The following QTMAN variants were observed in gnomAD, a reference collection of about 807,000 sequenced individuals.
QTMAN encodes queuosine-tRNA mannosyltransferase.
chr2:144,037,393 T>G, the QTMAN span, among the ~76,000 whole-genome samples: 1 of 152,144 alleles, frequency 6.6e-6, no homozygotes. Flanking sequence ...AGAACATGGA[T>G]GAACTTCATG....
chr2:144,135,700 G>A, the QTMAN span, among the ~76,000 whole-genome samples: 1 of 152,048 alleles, frequency 6.6e-6, no homozygotes, highest in Non-Finnish European at 1.5e-5. Context: ...TTCTTTACTG[G>A]TCAAAGTCAA....
the QTMAN span, among the ~76,000 whole-genome samples, chr2:144,089,952 G>T: frequency 6.6e-6 from 1 of 151,892 alleles, no homozygotes; most frequent in Non-Finnish European, 1.5e-5. Flanking sequence ...GTATATACAT[G>T]TAACAAAATT....
the QTMAN span, among the ~76,000 whole-genome samples, chr2:144,002,684 T>A: frequency 6.6e-6 from 1 of 151,938 alleles, no homozygotes; most frequent in Non-Finnish European, 1.5e-5. Context: ...AAATCACCAA[T>A]GCATGATGCT....
chr2:144,018,858 AAAGGGAGTTAGTGCCAGGG>A, the QTMAN span, among the ~76,000 whole-genome samples: 44 of 152,276 alleles, frequency 2.9e-4, no homozygotes, highest in African/African-American at 1.1e-3. Flanking sequence ...CCAGCCCTAG[AAAGGGAGTTAGTGCCAGGG>A]AAGGCTCTCT....
the QTMAN span, among the ~76,000 whole-genome samples, chr2:144,113,078 C>G: frequency 6.6e-6 from 1 of 152,290 alleles, no homozygotes; most frequent in East Asian, 1.9e-4. Context: ...AATCACTCAT[C>G]ATACGAAGAA....
the QTMAN span, among the ~76,000 whole-genome samples, chr2:144,101,736 G>C: frequency 4.6e-5 from 7 of 151,586 alleles, no homozygotes; most frequent in Non-Finnish European, 1.5e-5. Flanking sequence ...TTCCCTTTTT[G>C]AATGTAAAAA....
At chr2:143,944,235 G>A in the QTMAN span, 12 of 147,126 alleles carry the variant, frequency 8.2e-5, no homozygotes, top group African/African-American at 1.0e-4. Context: ...ATGAATGTGC[G>A]TGTGCACACA....
the QTMAN span, among the ~76,000 whole-genome samples, chr2:144,207,977 A>T: frequency 3.3e-5 from 5 of 152,068 alleles, no homozygotes; most frequent in Non-Finnish European, 5.9e-5. Context: ...CAGCCTCCTG[A>T]GTAACTGAGA....
the QTMAN span, among the ~76,000 whole-genome samples, chr2:143,980,426 G>T: frequency 6.6e-6 from 1 of 152,050 alleles, no homozygotes; most frequent in Non-Finnish European, 1.5e-5. Flanking sequence ...TAAGTTCCTC[G>T]AGGGCAGAGG....
chr2:144,052,114 T>C, the QTMAN span, among the ~76,000 whole-genome samples: 7 of 151,890 alleles, frequency 4.6e-5, no homozygotes, highest in African/African-American at 1.7e-4. Context: ...CAGCACATTG[T>C]AGGCCCCCAG....
chr2:144,111,370 A>G, the QTMAN span, among the ~76,000 whole-genome samples: 1 of 152,138 alleles, frequency 6.6e-6, no homozygotes, highest in East Asian at 1.9e-4. Context: ...GGCCTTTTCC[A>G]TGGATCTCTG....
chr2:144,109,977 G>C, the QTMAN span, among the ~76,000 whole-genome samples: 7 of 152,344 alleles, frequency 4.6e-5, no homozygotes, highest in African/African-American at 1.7e-4. Flanking sequence ...GTGGAAGACA[G>C]TGTGGCGATT....
At chr2:144,203,158 T>A in the QTMAN span, among the ~76,000 whole-genome samples, 5 of 129,428 alleles carry the variant, frequency 3.9e-5, no homozygotes. Context: ...AGAGTGTGTG[T>A]GTGTGTGTGT....
the QTMAN span, among the ~76,000 whole-genome samples, chr2:144,162,056 G>C: frequency 6.6e-6 from 1 of 152,238 alleles, no homozygotes; most frequent in East Asian, 1.9e-4. Flanking sequence ...AGTGATAAAT[G>C]GTTCAGCTGT....
chr2:144,246,391 G>A, the QTMAN span, among the ~76,000 whole-genome samples: 2 of 150,858 alleles, frequency 1.3e-5, no homozygotes, highest in African/African-American at 4.9e-5. Flanking sequence ...GGCTAACAAG[G>A]TGAAACCCCG....
At chr2:144,303,349 A>C in the QTMAN span, among the ~76,000 whole-genome samples, 1 of 152,304 alleles carries the variant, frequency 6.6e-6, no homozygotes, top group African/African-American at 2.4e-5. Flanking sequence ...TAAATATTAA[A>C]ACCTCCTTTT....
chr2:144,063,293 G>A, the QTMAN span, among the ~76,000 whole-genome samples: 1 of 152,102 alleles, frequency 6.6e-6, no homozygotes, highest in African/African-American at 2.4e-5. Flanking sequence ...TTAAAAATTC[G>A]ATTGATCTGA....
the QTMAN span, among the ~76,000 whole-genome samples, chr2:144,130,469 C>T: frequency 6.6e-6 from 1 of 151,844 alleles, no homozygotes; most frequent in Non-Finnish European, 1.5e-5. Context: ...TATGATACTC[C>T]TAAAAATACT....
chr2:144,231,843 G>GGTAGGT, the QTMAN span, among the ~76,000 whole-genome samples: 1 of 138,340 alleles, frequency 7.2e-6, no homozygotes, highest in African/African-American at 2.7e-5. Flanking sequence ...GAATGAAAGA[G>GGTAGGT]GTGTGTGTGT....
Sources: gnomAD v4.1 joint callset for allele counts (sites outside exome capture counted in the v4.1 genomes callset) on GRCh38, gnomAD v4.1.1 for gene constraint, MANE v1.5 for transcripts, NCBI Gene and HGNC (gene_info 2026-07-23, HGNC 2026-07-21) for gene names.